Variants in OTOGL observed in about 807,000 individuals in gnomAD.
The protein encoded by OTOGL is otogelin like, also known as otogelin-like protein.
A neutral mutation model predicts 318.5 loss-of-function variants in OTOGL; 285 were observed. The ratio of observed to expected loss-of-function variants is 0.89; its 90% CI spans 0.81 to 0.99. The LOEUF is 0.99. OTOGL is among the 50% of genes least tolerant of loss of function. The pLI, the probability that OTOGL is intolerant of heterozygous loss-of-function variation, is 0.00. For missense variants in OTOGL, 2,899 were observed against 2,845.6 expected (o/e 1.02, Z -0.43); for synonymous variants, 987 against 936.5 (o/e 1.05, Z -0.99).
rs779082589 is a variant in OTOGL, at chr12:80,256,507, A to AACAAACAG, written c.1711+54_1711+55insGACAAACA. On this transcript the variant is annotated intron_variant, in intron 17 of 58. Transcript: ENST00000547103. ...GTACTTTCTTTACATCAAACAAACA[A>AACAAACAG]ACAAACAAACAAACAACACACGCAA... 3.4e-5 allele frequency: 52 copies of AACAAACAG among 1,514,114 alleles called. No individual in the cohort carries two copies. The African/African-American group carries it at 6.5e-4, about 19-fold the overall frequency. 93.8% of individuals were successfully genotyped at this position (1,514,114 alleles called of 1,614,324 possible).
intron 5 of OTOGL, 86 bp downstream of exon 5, chr12:80,217,750 G>C: frequency 4.1e-6 from 4 of 987,394 alleles, no homozygotes; most frequent in Non-Finnish European, 5.9e-6. Flanking sequence ...TATTGTTTCC[G>C]TATACCACAT....
At chr12:80,221,680 G>A (rs370488702) in intron 6 of OTOGL, among the ~76,000 whole-genome samples, 8 of 151,982 alleles carry the variant, frequency 5.3e-5, no homozygotes, top group South Asian at 2.1e-4. Context: ...ATAAAAAGAC[G>A]TTTTTGAAAG....
intron 1 of OTOGL, among the ~76,000 whole-genome samples, chr12:80,124,603 C>A (rs1165967092): frequency 6.6e-6 from 1 of 152,152 alleles, no homozygotes; most frequent in Non-Finnish European, 1.5e-5. Context: ...ATGGGGATGG[C>A]ATTGAATCTA....
At chr12:80,347,569 C>A (rs535944801) in intron 44 of OTOGL, among the ~76,000 whole-genome samples, 23 of 152,078 alleles carry the variant, frequency 1.5e-4, no homozygotes, top group African/African-American at 5.5e-4. Context: ...GGTTCCAAGT[C>A]TTTGCTATTA....
intron 23 of OTOGL, 113 bp from the exon 24 acceptor site, chr12:80,271,535 A>G: frequency 2.9e-6 from 3 of 1,037,266 alleles, no homozygotes; most frequent in Non-Finnish European, 2.7e-6. Flanking sequence ...GGCAGCTAAC[A>G]TTCTCAAACT....
chr12:80,207,265 G>A (rs1434772090), intron 1 of OTOGL, among the ~76,000 whole-genome samples: 2 of 151,990 alleles, frequency 1.3e-5, no homozygotes, highest in African/African-American at 2.4e-5. Context: ...GCAATGGCAC[G>A]ATCTCTGCTC....
chr12:80,270,587 A>G (rs1883335380), intron 23 of OTOGL, among the ~76,000 whole-genome samples: 1 of 152,166 alleles, frequency 6.6e-6, no homozygotes, highest in African/African-American at 2.4e-5. Context: ...TCATTAGGTC[A>G]GGGGTGATAC....
At chr12:80,203,670 G>A (rs997023549) in intron 1 of OTOGL, among the ~76,000 whole-genome samples, 6 of 152,160 alleles carry the variant, frequency 3.9e-5, no homozygotes, top group African/African-American at 1.4e-4. Context: ...TCAGTAGCGG[G>A]TAGTGAGATT....
chr12:80,342,954 T>C, intron 44 of OTOGL, among the ~76,000 whole-genome samples: 2 of 152,168 alleles, frequency 1.3e-5, no homozygotes, highest in Non-Finnish European at 2.9e-5. Context: ...CGATCTCGGC[T>C]CACTGCAACC....
At chr12:80,173,171 CCT>C (rs2137222096) in intron 1 of OTOGL, among the ~76,000 whole-genome samples, 1 of 145,160 alleles carries the variant, frequency 6.9e-6, no homozygotes, top group African/African-American at 2.7e-5. Context: ...GATTCATATG[CCT>C]TTTTTTTTTT....
At chr12:80,200,090 A>C (rs748587048) in intron 1 of OTOGL, among the ~76,000 whole-genome samples, 2 of 152,194 alleles carry the variant, frequency 1.3e-5, no homozygotes, top group Non-Finnish European at 2.9e-5. Context: ...ACTAAGCATT[A>C]ATCTAGGTCA....
intron 1 of OTOGL, among the ~76,000 whole-genome samples, chr12:80,136,471 G>T (rs1871577785): frequency 6.6e-6 from 1 of 152,160 alleles, no homozygotes; most frequent in Non-Finnish European, 1.5e-5. Context: ...CCATGTAGTA[G>T]TAGGATACCT....
intron 1 of OTOGL, among the ~76,000 whole-genome samples, chr12:80,128,535 C>T (rs1016140705): frequency 1.2e-4 from 18 of 152,314 alleles, no homozygotes; most frequent in South Asian, 1.0e-3. Flanking sequence ...TCTCCAGCTG[C>T]GTGCTGGGAG....
rs139232378 is a variant in OTOGL, at chr12:80,257,822, C to A, written c.1712-3C>A. 704 of 1,566,868 alleles carry A rather than the reference C, an allele frequency of 4.5e-4. 16 individuals are homozygous for A. The East Asian group carries it at 0.016, about 35-fold the overall frequency. On this transcript the variant is annotated splice_polypyrimidine_tract_variant and splice_region_variant and intron_variant, in intron 17 of 58. Coordinates refer to ENST00000547103, the MANE Select transcript of OTOGL (RefSeq NM_001378609.3). ...CTGATTTACGTATGTTCTTTTCCTGCAGGTATTGTTGAAATTCAAACTCTG... is the reference window on the plus strand; with the variant it reads ...CTGATTTACGTATGTTCTTTTCCTGAAGGTATTGTTGAAATTCAAACTCTG...
At chr12:80,254,875 A>T (rs776869823) in intron 15 of OTOGL, among the ~76,000 whole-genome samples, 165 bp from the exon 16 acceptor site, 13 of 152,170 alleles carry the variant, frequency 8.5e-5, no homozygotes, top group Middle Eastern at 3.4e-3. Flanking sequence ...TCAAACCAGT[A>T]AATTTTAAAT....
At chr12:80,115,830 T>A (rs1355292371) in intron 1 of OTOGL, among the ~76,000 whole-genome samples, 1 of 152,198 alleles carries the variant, frequency 6.6e-6, no homozygotes, top group African/African-American at 2.4e-5. Flanking sequence ...TTGAACTTCC[T>A]GGTGGCTTTG....
At chr12:80,317,720 G>A (rs1226086452) in intron 32 of OTOGL, among the ~76,000 whole-genome samples, 4 of 152,062 alleles carry the variant, frequency 2.6e-5, no homozygotes, top group Non-Finnish European at 5.9e-5. Context: ...CCATTACCAG[G>A]TAGAGACTAT....
At chr12:80,102,835 C>G in intron 1 of OTOGL, 1 of 683,600 alleles carries the variant, frequency 1.5e-6, no homozygotes, top group South Asian at 1.7e-5. Context: ...GAGCTCTAGT[C>G]ATAAGGCTCT....
chr12:80,363,542 AAG>A (rs10552737), intron 52 of OTOGL, among the ~76,000 whole-genome samples: 145,814 of 151,788 alleles, frequency 0.96, 70,072 homozygotes, highest in East Asian at 1. Context: ...GGGGAGTGGG[AAG>A]AGAGAGAGAA....
Sources: gnomAD v4.1 joint callset for allele counts (sites outside exome capture counted in the v4.1 genomes callset) on GRCh38, gnomAD v4.1.1 for gene constraint, MANE v1.5 for transcripts, NCBI Gene and HGNC (gene_info 2026-07-23, HGNC 2026-07-21) for gene names.